The following LIMD1 variants were observed in gnomAD, a reference collection of about 807,000 sequenced individuals.
LIMD1 encodes the protein LIM domain containing 1, also known as LIM domain-containing protein 1.
A neutral mutation model predicts 58.4 loss-of-function variants in LIMD1; 23 were observed. The ratio of observed to expected loss-of-function variants is 0.39; its 90% CI spans 0.28 to 0.56. The LOEUF (loss-of-function observed/expected upper bound fraction) is 0.56. Ranked by LOEUF, LIMD1 falls within the 20% of genes least tolerant of loss-of-function variation. LIMD1 has a pLI of 0.57. For missense variants in LIMD1, 838 were observed against 855.5 expected, an observed-to-expected ratio of 0.98 and a Z score of 0.25; for synonymous variants, 334 against 345.5, an observed-to-expected ratio of 0.97 and a Z score of 0.37.
chr3:45,645,558 A>G (rs1182429256), intron 2 of LIMD1, among the ~76,000 whole-genome samples: 2 of 152,106 alleles, frequency 1.3e-5, no homozygotes, highest in Admixed American at 1.3e-4. Context: ...CTGTCTTCTC[A>G]AGTGGAAGAG....
intron 3 of LIMD1, 103 bp from the exon 4 acceptor site, chr3:45,668,191 C>T (rs1351997013): frequency 1.2e-6 from 1 of 842,716 alleles, no homozygotes; most frequent in Non-Finnish European, 1.9e-6. Flanking sequence ...CACAGAGTGA[C>T]ACATCTTTCT....
At position 45,596,172 on chromosome 3, in the gene LIMD1, C is replaced by G. The variant is rs1326287910; in HGVS notation, c.1293C>G (p.Cys431Trp). ...GCTCCCCTAGGGTAAGGCTGCCCTGCCAGCCCCTCGTCCCAGGTCCTGAGC... is the reference window on the plus strand; with the variant it reads ...GCTCCCCTAGGGTAAGGCTGCCCTGGCAGCCCCTCGTCCCAGGTCCTGAGC... ...SPSSPRVRLP[C>W]QPLVPGPELR... Residue 431 changes from cysteine (C) to tryptophan (W), a missense_variant, in exon 1 of 8, where the codon TGC (cysteine) becomes TGG (tryptophan). Physicochemically the swap from Cys to Trp is radical, Grantham distance 215. Around this residue, in one of 3 missense-constraint regions of LIMD1, gnomAD observed 659 missense variants for 639.8 expected, o/e 1.03. Transcript: ENST00000273317. The G allele has an allele frequency of 1.9e-6, 3 of 1,613,926 alleles. No homozygotes were observed. The highest frequency in any genetic ancestry group is 1.7e-4 in the Middle Eastern group (1 of 6,060).
intron 2 of LIMD1, 93 bp downstream of exon 2, chr3:45,636,344 G>A: frequency 1.0e-6 from 1 of 966,566 alleles, no homozygotes. Flanking sequence ...TCTGGAGACG[G>A]TTGGTCCATG....
At chr3:45,642,919 C>G (rs549809194) in intron 2 of LIMD1, among the ~76,000 whole-genome samples, 16 of 152,296 alleles carry the variant, frequency 1.1e-4, no homozygotes, top group African/African-American at 3.6e-4. Context: ...TGCTGTGGGT[C>G]TCCCTCCTCT....
intron 2 of LIMD1, among the ~76,000 whole-genome samples, chr3:45,638,819 CTT>C (rs1457930111): frequency 4.6e-5 from 7 of 152,204 alleles, no homozygotes; most frequent in African/African-American, 1.7e-4. Flanking sequence ...TACTTTTTGA[CTT>C]TTTAATAATG....
chr3:45,657,371 C>T, intron 2 of LIMD1, among the ~76,000 whole-genome samples: 1 of 151,902 alleles, frequency 6.6e-6, no homozygotes, highest in Non-Finnish European at 1.5e-5. Flanking sequence ...ATGAAAATTC[C>T]CTTTTCCGGC....
intron 4 of LIMD1, among the ~76,000 whole-genome samples, chr3:45,672,347 G>A (rs1259760909): frequency 6.6e-6 from 1 of 152,072 alleles, no homozygotes; most frequent in African/African-American, 2.4e-5. Flanking sequence ...TTTGGCCCTG[G>A]GATTGGCCCA....
intron 1 of LIMD1, among the ~76,000 whole-genome samples, chr3:45,620,092 C>T (rs1460988775): frequency 6.6e-6 from 1 of 151,896 alleles, no homozygotes; most frequent in East Asian, 1.9e-4. Flanking sequence ...AAGGGAGAAG[C>T]GATATGAATG....
At chr3:45,606,467 T>C (rs969947249) in intron 1 of LIMD1, among the ~76,000 whole-genome samples, 2 of 151,738 alleles carry the variant, frequency 1.3e-5, no homozygotes, top group African/African-American at 4.8e-5. Context: ...ACTGGAGGAG[T>C]TGGGTCCCAC....
At chr3:45,655,217 GC>G (rs1430694151) in intron 2 of LIMD1, among the ~76,000 whole-genome samples, 1 of 152,122 alleles carries the variant, frequency 6.6e-6, no homozygotes, top group Non-Finnish European at 1.5e-5. Flanking sequence ...ACCACACTCG[GC>G]CTATCAGTCA....
At chr3:45,674,289 G>A (rs1173020933) in intron 6 of LIMD1, 54 bp from the exon 7 acceptor site, 11 of 1,427,154 alleles carry the variant, frequency 7.7e-6, no homozygotes, top group African/African-American at 2.8e-5. Context: ...CATCAAGCCC[G>A]ACAGCCCCCC....
chr3:45,684,226 C>A lies in LIMD1; in HGVS notation c.*7167C>A, dbSNP rs1697780775. ...GTGTGTAAGGCAGCCTCAGGGACTG[C>A]CACCACTTGGTCACATACATGTCCC... On this transcript the variant is annotated 3_prime_UTR_variant, in exon 8 of 8. Transcript: ENST00000273317. 6.6e-6 allele frequency: 1 copy of A among 152,212 alleles called. No homozygotes were observed. The highest frequency in any genetic ancestry group is 1.5e-5 in the Non-Finnish European group (1 of 68,046). 9.4% of individuals were successfully genotyped at this position (152,212 alleles called of 1,614,324 possible). A position where few individuals can be genotyped will look rare whatever the true frequency, so the allele number is the denominator to read the frequency against.
intron 1 of LIMD1, among the ~76,000 whole-genome samples, chr3:45,607,886 G>C (rs1326543507): frequency 6.6e-6 from 1 of 152,226 alleles, no homozygotes; most frequent in African/African-American, 2.4e-5. Context: ...TTTCAGCAGG[G>C]TGGAACCAAG....
chr3:45,603,679 A>G (rs1701440479), intron 1 of LIMD1, among the ~76,000 whole-genome samples: 1 of 152,130 alleles, frequency 6.6e-6, no homozygotes, highest in Admixed American at 6.6e-5. Context: ...GCATTCTTTT[A>G]AAAAATTGAG....
chr3:45,636,793 T>G lies in LIMD1; in HGVS notation c.1510+542T>G, dbSNP rs138072707. Among the ~76,000 whole-genome samples the G allele has an allele frequency of 1.5e-3, 222 of 152,308 alleles. 1 individual carries two copies. The highest frequency in any genetic ancestry group is 4.9e-3 in the African/African-American group (202 of 41,578). On this transcript the variant is annotated intron_variant, in intron 2 of 7. Coordinates refer to ENST00000273317, the MANE Select transcript of LIMD1 (RefSeq NM_014240.3). ...CTGGTGCCTACCTAGCACACACCTG[T>G]GGGCATCTTTGTACTCCAGTACATG...
intron 1 of LIMD1, among the ~76,000 whole-genome samples, chr3:45,606,043 G>T (rs1307475254): frequency 6.6e-6 from 1 of 152,194 alleles, no homozygotes; most frequent in African/African-American, 2.4e-5. Context: ...TTTAGCTGGG[G>T]TTATGGCTCT....
At chr3:45,605,385 C>T (rs950998393) in intron 1 of LIMD1, among the ~76,000 whole-genome samples, 6 of 152,230 alleles carry the variant, frequency 3.9e-5, no homozygotes, top group Admixed American at 3.9e-4. Context: ...AAGTGGTAAT[C>T]ATTTTTACTT....
Position 45,670,493 on chromosome 3 carries a change from C to G in LIMD1, c.1641+2137C>G, listed in dbSNP as rs552092820. On this transcript the variant is annotated intron_variant, in intron 4 of 7. Coordinates refer to ENST00000273317, the MANE Select transcript of LIMD1 (RefSeq NM_014240.3). ...CTGGGGTCTCCTACTTAACTTTGTTCAGCTGGTAGCACAGTTGAACTGGAA... is the reference window on the plus strand; with the variant it reads ...CTGGGGTCTCCTACTTAACTTTGTTGAGCTGGTAGCACAGTTGAACTGGAA... Among the ~76,000 whole-genome samples, 3 of 152,288 alleles carry G rather than the reference C, an allele frequency of 2.0e-5. 1 individual carries two copies. The South Asian group carries it at 6.2e-4, about 32-fold the overall frequency.
intron 1 of LIMD1, chr3:45,632,375 G>A (rs1478509924): frequency 4.7e-5 from 11 of 232,210 alleles, no homozygotes; most frequent in South Asian, 3.1e-4. Flanking sequence ...TTATGTCATC[G>A]CCAGTTCCCA....
Sources: allele counts gnomAD v4.1 joint callset (sites outside exome capture counted in the v4.1 genomes callset), GRCh38; gene constraint gnomAD v4.1.1; regional missense constraint gnomAD v4.1.1; transcripts MANE v1.5; gene names NCBI Gene and HGNC (gene_info 2026-07-23, HGNC 2026-07-21).